Variants in TRIM33 observed in about 807,000 individuals in gnomAD.
TRIM33 encodes the protein tripartite motif containing 33, also known as E3 ubiquitin-protein ligase TRIM33.
A neutral mutation model predicts 125.4 loss-of-function variants in TRIM33; 20 were observed. The ratio of observed to expected loss-of-function variants is 0.16; its 90% CI spans 0.11 to 0.23. The LOEUF (loss-of-function observed/expected upper bound fraction) is 0.23, where lower values mean the gene tolerates loss of function less well. Ranked by LOEUF, TRIM33 falls within the 10% of genes least tolerant of loss-of-function variation. TRIM33 has a pLI of 1.00. For missense variants in TRIM33, 920 were observed against 1,411.4 expected, an observed-to-expected ratio of 0.65 and a Z score of 5.58; for synonymous variants, 564 against 513.9, an observed-to-expected ratio of 1.10 and a Z score of -1.32.
intron 4 of TRIM33, among the ~76,000 whole-genome samples, chr1:114,455,474 G>A (rs1447789323): frequency 1.3e-5 from 2 of 152,172 alleles, no homozygotes; most frequent in East Asian, 3.8e-4. Context: ...GCAATAATCT[G>A]AGAAGCCTTA....
At position 114,421,585 on chromosome 1, in the gene TRIM33, T is replaced by G. The variant is rs1046497161; in HGVS notation, c.1912A>C (p.Thr638Pro). The G allele has an allele frequency of 3.1e-6, 5 of 1,613,978 alleles. No individual in the cohort carries two copies. In the African/African-American group the frequency reaches 5.3e-5, roughly 17 times the overall value. Residue 638 changes from threonine (T) to proline (P), a missense_variant, in exon 11 of 20, where the codon ACC becomes CCC. This residue lies in a region of TRIM33 where 407 missense variants were observed against 589.7 expected (regional missense o/e 0.69). Transcript: ENST00000358465. The part of the protein sequence containing the change: ...GPFPVVSVHN[T>P]TINPTSPTTA... ...GTAGGGCTCGTTGGGTTGATTGTGG[T>G]GTTGTGTACCGATACTACGGGAAAG...
intron 10 of TRIM33, among the ~76,000 whole-genome samples, chr1:114,424,190 C>T (rs189314062): frequency 2.0e-5 from 3 of 152,138 alleles, no homozygotes; most frequent in Admixed American, 6.5e-5. Flanking sequence ...AGCTCTGTTA[C>T]TCTCAAAGCC....
chr1:114,442,597 A>C (rs1264819625), intron 4 of TRIM33, among the ~76,000 whole-genome samples: 3 of 150,504 alleles, frequency 2.0e-5, no homozygotes, highest in Non-Finnish European at 3.0e-5. Flanking sequence ...CTGAGGCAGG[A>C]GAATAGCTTG....
chr1:114,491,261 T>C (rs1652045261), intron 1 of TRIM33, among the ~76,000 whole-genome samples: 1 of 152,172 alleles, frequency 6.6e-6, no homozygotes, highest in African/African-American at 2.4e-5. Context: ...CAGAGAAAGA[T>C]CTTGAGGTGT....
At chr1:114,485,360 T>G (rs1218220540) in intron 1 of TRIM33, among the ~76,000 whole-genome samples, 1 of 152,032 alleles carries the variant, frequency 6.6e-6, no homozygotes, top group East Asian at 1.9e-4. Context: ...AAGCTGAACT[T>G]CTACTCCCAC....
chr1:114,461,604 A>C, intron 4 of TRIM33, among the ~76,000 whole-genome samples: 1 of 152,152 alleles, frequency 6.6e-6, no homozygotes, highest in Non-Finnish European at 1.5e-5. Flanking sequence ...CTTAGATATA[A>C]GTGGTAAAGG....
intron 4 of TRIM33, among the ~76,000 whole-genome samples, chr1:114,445,888 C>T (rs532126397): frequency 1.3e-5 from 2 of 152,188 alleles, no homozygotes; most frequent in Admixed American, 6.5e-5. Context: ...GACAGAGTCT[C>T]GCTTGATCAC....
Position 114,511,171 on chromosome 1 carries a change from A to C in TRIM33, c.-95T>G, listed in dbSNP as rs1314926306. On this transcript the variant is annotated 5_prime_UTR_variant, in exon 1 of 20. Coordinates refer to ENST00000358465, the MANE Select transcript of TRIM33 (RefSeq NM_015906.4). ...CAGCCCCAGCCGCAGCCGCAGCAAGAGCGGCAGCCGAGAGCTAGCGAGAGA... is the reference window on the plus strand; with the variant it reads ...CAGCCCCAGCCGCAGCCGCAGCAAGCGCGGCAGCCGAGAGCTAGCGAGAGA... 1 of 1,031,658 alleles carries C rather than the reference A, an allele frequency of 9.7e-7. No homozygotes were observed. Among genetic ancestry groups the C allele is most frequent in the Non-Finnish European group, 1.2e-6 (1 of 857,596 alleles). The allele number at this position is 1,031,658 out of a possible 1,614,324, so 63.9% of individuals were successfully genotyped here. A position where few individuals can be genotyped will look rare whatever the true frequency, so the allele number is the denominator to read the frequency against.
At chr1:114,444,637 G>T (rs1648864537) in intron 4 of TRIM33, among the ~76,000 whole-genome samples, 1 of 152,174 alleles carries the variant, frequency 6.6e-6, no homozygotes, top group Non-Finnish European at 1.5e-5. Context: ...GCTTTCTACA[G>T]ATCTTCCCTA....
At chr1:114,426,721 T>C (rs1028029167) in intron 8 of TRIM33, among the ~76,000 whole-genome samples, 4 of 152,166 alleles carry the variant, frequency 2.6e-5, no homozygotes, top group Admixed American at 2.6e-4. Flanking sequence ...GGAAAATCCA[T>C]TTCTCTTCCA....
At chr1:114,427,110 G>T in intron 8 of TRIM33, 67 bp downstream of exon 8, 1 of 718,368 alleles carries the variant, frequency 1.4e-6, no homozygotes. Context: ...ATCTAAATTT[G>T]CTTTAAGTAT....
intron 18 of TRIM33, among the ~76,000 whole-genome samples, chr1:114,398,343 T>G (rs1313275607): frequency 6.6e-6 from 1 of 152,176 alleles, no homozygotes; most frequent in African/African-American, 2.4e-5. Flanking sequence ...ACAAACCACT[T>G]AATAAAAATT....
intron 11 of TRIM33, among the ~76,000 whole-genome samples, chr1:114,418,141 G>A (rs1331467003): frequency 6.6e-6 from 1 of 152,342 alleles, no homozygotes; most frequent in East Asian, 1.9e-4. Context: ...AATCATGGCA[G>A]AAGGCAAAGG....
At chr1:114,499,492 C>CT (rs901581767) in intron 1 of TRIM33, among the ~76,000 whole-genome samples, 48 of 149,106 alleles carry the variant, frequency 3.2e-4, no homozygotes, top group African/African-American at 8.3e-4. Flanking sequence ...TGAGAATTCC[C>CT]TTTTTTTTTT....
At chr1:114,412,279 C>G (rs938128452) in intron 11 of TRIM33, among the ~76,000 whole-genome samples, 2 of 152,222 alleles carry the variant, frequency 1.3e-5, no homozygotes, top group African/African-American at 4.8e-5. Flanking sequence ...AATTACACTT[C>G]TACCAACTTC....
chr1:114,504,030 G>A (rs1652852984), intron 1 of TRIM33, among the ~76,000 whole-genome samples: 1 of 152,030 alleles, frequency 6.6e-6, no homozygotes, highest in Admixed American at 6.5e-5. Context: ...TATAGTAATT[G>A]TTACTGTTTC....
At chr1:114,428,813 T>C (rs1223162766) in intron 6 of TRIM33, among the ~76,000 whole-genome samples, 1 of 152,164 alleles carries the variant, frequency 6.6e-6, no homozygotes, top group South Asian at 2.1e-4. Context: ...GTTAGTAGTA[T>C]GTGGCGTATT....
At chr1:114,408,807 C>A in intron 12 of TRIM33, 67 bp from the exon 13 acceptor site, 2 of 1,087,114 alleles carry the variant, frequency 1.8e-6, no homozygotes, top group South Asian at 2.8e-5. Flanking sequence ...ACCTACCGGT[C>A]ACAGAACTCA....
chr1:114,399,317 T>C, intron 18 of TRIM33, 140 bp downstream of exon 18: 1 of 643,270 alleles, frequency 1.6e-6, no homozygotes, highest in Non-Finnish European at 2.5e-6. Flanking sequence ...ACTGGAGCTG[T>C]TAATACAATC....
Sources: allele counts gnomAD v4.1 joint callset (sites outside exome capture counted in the v4.1 genomes callset), GRCh38; gene constraint gnomAD v4.1.1; regional missense constraint gnomAD v4.1.1; transcripts MANE v1.5; gene names NCBI Gene and HGNC (gene_info 2026-07-23, HGNC 2026-07-21).